The following GALNTL6 variants were observed in gnomAD, a reference collection of about 807,000 sequenced individuals.
GALNTL6 encodes the protein polypeptide N-acetylgalactosaminyltransferase-like 6.
Under a neutral mutation model 73.7 loss-of-function variants are expected in GALNTL6, and 46 were observed. The ratio of observed to expected loss-of-function variants is 0.62; its 90% CI spans 0.49 to 0.80. GALNTL6 has a LOEUF of 0.80. GALNTL6 is among the 30% of genes least tolerant of loss of function. The pLI is 0.00. For missense variants in GALNTL6, 604 were observed against 755.0 expected, an observed-to-expected ratio of 0.80 and a Z score of 2.34; for synonymous variants, 259 against 263.7, an observed-to-expected ratio of 0.98 and a Z score of 0.17.
chr4:171,904,781 C>T (rs1410659546), intron 2 of GALNTL6, among the ~76,000 whole-genome samples: 2 of 152,220 alleles, frequency 1.3e-5, no homozygotes, highest in African/African-American at 4.8e-5. Flanking sequence ...GCCCATCAGA[C>T]TAACAGCAGA....
chr4:172,628,897 T>TA (rs543776630), intron 5 of GALNTL6, among the ~76,000 whole-genome samples: 4 of 148,926 alleles, frequency 2.7e-5, no homozygotes, highest in Non-Finnish European at 4.5e-5. Flanking sequence ...ATCCTTCATT[T>TA]AAAAAAAAAA....
chr4:173,019,506 A>G (rs1286878461), intron 11 of GALNTL6, among the ~76,000 whole-genome samples: 1 of 152,206 alleles, frequency 6.6e-6, no homozygotes, highest in Non-Finnish European at 1.5e-5. Flanking sequence ...TGAGTTCTGA[A>G]TAGAAGAGAG....
At chr4:171,912,927 C>T (rs778064051) in intron 2 of GALNTL6, among the ~76,000 whole-genome samples, 9 of 152,132 alleles carry the variant, frequency 5.9e-5, no homozygotes, top group Admixed American at 4.6e-4. Context: ...AAATGTACCA[C>T]GTTTCCTTTA....
intron 2 of GALNTL6, among the ~76,000 whole-genome samples, chr4:172,036,575 C>G (rs942759610): frequency 1.3e-5 from 2 of 152,072 alleles, no homozygotes; most frequent in African/African-American, 4.8e-5. Context: ...CTTTTAAGCA[C>G]TTTGTATGTA....
At chr4:172,087,319 C>T (rs1289785019) in intron 2 of GALNTL6, among the ~76,000 whole-genome samples, 2 of 151,754 alleles carry the variant, frequency 1.3e-5, no homozygotes, top group Non-Finnish European at 2.9e-5. Flanking sequence ...GGGGTGGGCG[C>T]CTGTAGTCCC....
rs548066294 is a variant in GALNTL6, at chr4:172,647,429, G to T, written c.554-161932G>T. 1.1e-4 allele frequency among the ~76,000 whole-genome samples: 16 copies of T among 152,190 alleles called. No homozygotes were observed. In the East Asian group the frequency reaches 2.9e-3, roughly 28 times the overall value. On this transcript the variant is annotated intron_variant, in intron 5 of 12. Transcript: ENST00000506823. ...ACTCTTCTTCAATGTATTGCTGAAA[G>T]GTTGGGATAGGTGAGAGCAGGGTAA...
At chr4:172,307,738 A>C (rs750491727) in intron 3 of GALNTL6, among the ~76,000 whole-genome samples, 1 of 152,152 alleles carries the variant, frequency 6.6e-6, no homozygotes, top group African/African-American at 2.4e-5. Flanking sequence ...TACCAGTACC[A>C]TGCTGTTTTG....
intron 2 of GALNTL6, among the ~76,000 whole-genome samples, chr4:172,183,927 G>A (rs1413403439): frequency 6.6e-6 from 1 of 151,736 alleles, no homozygotes; most frequent in Admixed American, 6.6e-5. Context: ...TGAATAGCTG[G>A]AACTACAGGC....
intron 2 of GALNTL6, among the ~76,000 whole-genome samples, chr4:171,833,934 C>A (rs1735038933): frequency 6.6e-6 from 1 of 151,642 alleles, no homozygotes; most frequent in African/African-American, 2.4e-5. Flanking sequence ...AAATACGGAG[C>A]AAAATATGCA....
chr4:172,020,320 T>G (rs888105870), intron 2 of GALNTL6, among the ~76,000 whole-genome samples: 2 of 144,650 alleles, frequency 1.4e-5, no homozygotes, highest in Admixed American at 6.8e-5. Flanking sequence ...ACAGCAGAAA[T>G]AAATAAAATT....
At chr4:172,281,292 C>G (rs1464080541) in intron 3 of GALNTL6, among the ~76,000 whole-genome samples, 1 of 152,212 alleles carries the variant, frequency 6.6e-6, no homozygotes, top group Admixed American at 6.5e-5. Flanking sequence ...TGTTGCTTTT[C>G]CTAGCTCCTA....
chr4:172,682,168 T>G (rs949518014), intron 5 of GALNTL6, among the ~76,000 whole-genome samples: 11 of 152,180 alleles, frequency 7.2e-5, no homozygotes, highest in African/African-American at 2.7e-4. Flanking sequence ...TCTGGACAGA[T>G]AAAAACATGA....
At chr4:172,957,723 G>A (rs931316193) in intron 10 of GALNTL6, among the ~76,000 whole-genome samples, 3 of 152,188 alleles carry the variant, frequency 2.0e-5, no homozygotes, top group Non-Finnish European at 4.4e-5. Flanking sequence ...GGCATATTTA[G>A]AGTCAGTATA....
intron 2 of GALNTL6, among the ~76,000 whole-genome samples, chr4:172,026,165 C>T (rs1741567726): frequency 1.3e-5 from 2 of 151,622 alleles, no homozygotes; most frequent in Admixed American, 1.3e-4. Context: ...AATATTATAC[C>T]AAAATTACCT....
At chr4:172,052,338 A>G (rs1383039091) in intron 2 of GALNTL6, 1 of 717,690 alleles carries the variant, frequency 1.4e-6, no homozygotes, top group Non-Finnish European at 2.3e-6. Context: ...GAGCTTATTT[A>G]GAGATGGGCT....
chr4:172,332,881 T>A (rs1265540076), intron 4 of GALNTL6, among the ~76,000 whole-genome samples: 2 of 152,216 alleles, frequency 1.3e-5, no homozygotes, highest in Non-Finnish European at 2.9e-5. Context: ...ATCGTCATAC[T>A]GTTTTCCATG....
At chr4:172,876,105 C>A (rs1231824762) in intron 7 of GALNTL6, among the ~76,000 whole-genome samples, 1 of 152,184 alleles carries the variant, frequency 6.6e-6, no homozygotes, top group East Asian at 1.9e-4. Context: ...CTGACATACA[C>A]AAGATTTCCA....
chr4:172,138,808 C>G (rs911264925), intron 2 of GALNTL6, among the ~76,000 whole-genome samples: 19 of 151,328 alleles, frequency 1.3e-4, no homozygotes, highest in African/African-American at 4.6e-4. Context: ...GGATTACAGG[C>G]TAAATAATTG....
intron 5 of GALNTL6, among the ~76,000 whole-genome samples, chr4:172,460,471 T>C (rs188159801): frequency 6.6e-6 from 1 of 152,276 alleles, no homozygotes; most frequent in South Asian, 2.1e-4. Context: ...AACCTATCCA[T>C]CTGACAAAGG....
Sources: gnomAD v4.1 joint callset for allele counts (sites outside exome capture counted in the v4.1 genomes callset) on GRCh38, gnomAD v4.1.1 for gene constraint, MANE v1.5 for transcripts, NCBI Gene and HGNC (gene_info 2026-07-23, HGNC 2026-07-21) for gene names.